PLOD3: variants seen among roughly 807,000 people sequenced by gnomAD.
PLOD3 encodes multifunctional procollagen lysine hydroxylase and glycosyltransferase LH3.
Under a neutral mutation model 96.9 loss-of-function variants are expected in PLOD3, and 73 were observed. The ratio of observed to expected loss-of-function variants is 0.75; its 90% CI spans 0.62 to 0.92. PLOD3 has a LOEUF of 0.92. PLOD3 is among the 40% of genes least tolerant of loss of function. PLOD3 has a pLI of 0.00. For synonymous variants in PLOD3, 454 were observed against 413.7 expected (o/e 1.10, Z -1.18); for missense variants, 1,004 against 1,004.3 (o/e 1.00, Z 0.00).
At chr7:101,212,059 T>A (rs1449385960) in intron 10 of PLOD3, 109 bp from the exon 11 acceptor site, 11 of 1,026,032 alleles carry the variant, frequency 1.1e-5, no homozygotes, top group Non-Finnish European at 1.6e-5. Flanking sequence ...CTATCCTTCC[T>A]TCCCCAGGCT....
At chr7:101,206,476 G>A (rs752237515) in intron 18 of PLOD3, 40 bp from the exon 19 acceptor site, 19 of 1,552,740 alleles carry the variant, frequency 1.2e-5, no homozygotes, top group East Asian at 2.4e-5. Flanking sequence ...GTGAGCAGAC[G>A]TGGGGCCTGG....
At chr7:101,213,068 G>A in intron 7 of PLOD3, 39 bp downstream of exon 7, 1 of 1,457,130 alleles carries the variant, frequency 6.9e-7, no homozygotes, top group Non-Finnish European at 9.6e-7. Flanking sequence ...CCTGGGGGTT[G>A]GGGCAGGGCG....
chr7:101,206,163 C>T lies in PLOD3; in HGVS notation c.*118G>A, dbSNP rs78594054. The T allele has an allele frequency of 9.0e-3, 9,708 of 1,073,864 alleles. 172 individuals are homozygous for T. The highest frequency in any genetic ancestry group is 0.066 in the East Asian group (2,802 of 42,492). 66.5% of individuals were successfully genotyped at this position (1,073,864 alleles called of 1,614,324 possible). A position where few individuals can be genotyped will look rare whatever the true frequency, so the allele number is the denominator to read the frequency against. On this transcript the variant is annotated 3_prime_UTR_variant, in exon 19 of 19. Transcript: ENST00000223127. Reference sequence around the variant, plus strand: ...AGGTGACATATTCAGTTCAGGCACGCGGAACATGAACTCAGGAAGTGGGGA... The same window carrying T: ...AGGTGACATATTCAGTTCAGGCACGTGGAACATGAACTCAGGAAGTGGGGA...
At position 101,215,934 on chromosome 7, in the gene PLOD3, G is replaced by T; in HGVS notation, c.589C>A (p.Arg197=). Residue 197 remains arginine, a synonymous_variant, in exon 5 of 19, where the codon CGG becomes AGG. Coordinates refer to ENST00000223127, the MANE Select transcript of PLOD3 (RefSeq NM_001084.5). ...CTCAGTCCTGGGTCCAGGTAGAGCC[G>T]TGTGTAGAACAGCTGGTCGTCGTCA... The part of the protein sequence containing the change: ...DDDDDQLFYT[R]LYLDPGLREK... 1.2e-6 allele frequency: 2 copies of T among 1,613,210 alleles called. No individual in the cohort carries two copies. Among genetic ancestry groups the T allele is most frequent in the Non-Finnish European group, 1.7e-6 (2 of 1,179,188 alleles).
intron 2 of PLOD3, 46 bp downstream of exon 2, chr7:101,216,649 C>A (rs763799959): frequency 4.4e-6 from 7 of 1,605,534 alleles, no homozygotes; most frequent in African/African-American, 2.7e-5. Flanking sequence ...CTTCAGCCCA[C>A]CCCTCCTGCT....
rs1021001501 is a variant in PLOD3 at position 101,217,383 on chromosome 7, G to A, written c.-109C>T. 1.2e-5 allele frequency: 14 copies of A among 1,134,570 alleles called. No homozygotes were observed. Among genetic ancestry groups the A allele is most frequent in the Non-Finnish European group, 1.6e-5 (14 of 871,006 alleles). 70.3% of individuals were successfully genotyped at this position (1,134,570 alleles called of 1,614,324 possible). A position where few individuals can be genotyped will look rare whatever the true frequency, so the allele number is the denominator to read the frequency against. On this transcript the variant is annotated 5_prime_UTR_variant, in exon 1 of 19. Coordinates refer to ENST00000223127, the MANE Select transcript of PLOD3 (RefSeq NM_001084.5). ...AAAGGGGGCGCTCGGGCTGCTGTGC[G>A]GCCGCCGCGGGGAGCAGCTTGGCTG...
Position 101,212,273 on chromosome 7 carries a change from G to C in PLOD3, c.1107C>G (p.Gly369=), listed in dbSNP as rs193247871. Residue 369 remains glycine, a synonymous_variant, in exon 10 of 19, where the codon GGC becomes GGG. Transcript: ENST00000223127. The part of the protein sequence containing the change: ...LVGPEEALSP[G]EARDMAMDLC... ...CTCACATGGCCATGTCCCTGGCCTCGCCTGGGCTCAGAGCCTCCTCCGGCC... is the reference window on the plus strand; with the variant it reads ...CTCACATGGCCATGTCCCTGGCCTCCCCTGGGCTCAGAGCCTCCTCCGGCC... 1.2e-5 allele frequency: 19 copies of C among 1,613,172 alleles called. No homozygotes were observed. The highest frequency in any genetic ancestry group is 1.6e-5 in the Non-Finnish European group (19 of 1,179,982).
Position 101,211,699 on chromosome 7 carries a change from A to G in PLOD3, c.1250T>C (p.Met417Thr). Residue 417 changes from methionine (M) to threonine (T), a missense_variant, in exon 12 of 19, where the codon ATG (methionine) becomes ACG (threonine). Coordinates refer to ENST00000223127, the MANE Select transcript of PLOD3 (RefSeq NM_001084.5). ...CCACAGCTTGCCGTGGCGGGACAGCATGGGGGCGATCACCTTCCTGCGGAC... is the reference window on the plus strand; with the variant it reads ...CCACAGCTTGCCGTGGCGGGACAGCGTGGGGGCGATCACCTTCCTGCGGAC... ...IEENRKVIAP[M>T]LSRHGKLWSN... 1.2e-6 allele frequency: 2 copies of G among 1,605,892 alleles called. No homozygotes were observed. Among genetic ancestry groups the G allele is most frequent in the African/African-American group, 1.3e-5 (1 of 74,962 alleles).
At chr7:101,209,481 G>A (rs528940220) in intron 15 of PLOD3, among the ~76,000 whole-genome samples, 1 of 151,076 alleles carries the variant, frequency 6.6e-6, no homozygotes, top group Admixed American at 6.6e-5. Context: ...AGGTTCAAGC[G>A]ATTCTCCCAC....
In PLOD3 at chr7:101,207,695, A is replaced by C. The variant is rs756081191; in HGVS notation, c.1818T>G (p.Asn606Lys). ...TCATGTGGATGTCCACGGTGGGCAC[A>C]TTCTCGTAGCCTCCAGCCAGCCTTG... ...EDSRLAGGYENVPTVDIHMKQ... is the reference protein window; with the variant it reads ...EDSRLAGGYEKVPTVDIHMKQ... The change falls in exon 17 of 19, where the codon AAT becomes AAG. Residue 606 changes from asparagine to lysine, a missense_variant. Coordinates refer to ENST00000223127, the MANE Select transcript of PLOD3 (RefSeq NM_001084.5). The C allele has an allele frequency of 6.2e-7, 1 of 1,613,860 alleles. No homozygotes were observed. The highest frequency in any genetic ancestry group is 1.3e-5 in the African/African-American group (1 of 74,878).
At position 101,208,852 on chromosome 7, in the gene PLOD3, C is replaced by A; in HGVS notation, c.1788+1G>T. 6.2e-7 allele frequency: 1 copy of A among 1,604,546 alleles called. No homozygotes were observed. Among genetic ancestry groups the A allele is most frequent in the Non-Finnish European group, 8.5e-7 (1 of 1,171,354 alleles). ...TCTGCCCTCCTCGCCCAGGCCCTTACCTCATGCCGGCCGCCTGACCACTGG... is the reference window on the plus strand; with the variant it reads ...TCTGCCCTCCTCGCCCAGGCCCTTAACTCATGCCGGCCGCCTGACCACTGG... On this transcript the variant is annotated splice_donor_variant, in intron 16 of 18. Coordinates refer to ENST00000223127, the MANE Select transcript of PLOD3 (RefSeq NM_001084.5). LOFTEE classifies it high-confidence loss of function.
At position 101,215,141 on chromosome 7, in the gene PLOD3, G is replaced by T; in HGVS notation, c.627C>A (p.Ser209Arg). 6.2e-7 allele frequency: 1 copy of T among 1,611,334 alleles called. No individual in the cohort carries two copies. The highest frequency in any genetic ancestry group is 8.5e-7 in the Non-Finnish European group (1 of 1,177,378). Residue 209 changes from serine (S) to arginine (R), a missense_variant, in exon 6 of 19, where the codon AGC becomes AGA. By Grantham distance (110) the Ser-to-Arg change is moderately radical. Around this residue, in one of 5 missense-constraint regions of PLOD3, gnomAD observed 690 missense variants for 650.2 expected, o/e 1.06. Coordinates refer to ENST00000223127, the MANE Select transcript of PLOD3 (RefSeq NM_001084.5). ...TCCGAGACTTATGATCCAGATTAAG[G>T]CTGAGTTTCTCCTAAATGGAATGAG... ...YLDPGLREKL[S>R]LNLDHKSRIF...
In PLOD3 at chr7:101,211,838, T is replaced by A. The variant is rs773544644; in HGVS notation, c.1232+8A>T. On this transcript the variant is annotated splice_region_variant and intron_variant, in intron 11 of 18. Coordinates refer to ENST00000223127, the MANE Select transcript of PLOD3 (RefSeq NM_001084.5). ...GCCCTCCGGCTGCGGGGAGAGGGGG[T>A]AAGCCACCTGTTCTCCTCAATGAGG... 6.2e-7 allele frequency: 1 copy of A among 1,606,038 alleles called. No homozygotes were observed. Among genetic ancestry groups the A allele is most frequent in the African/African-American group, 1.3e-5 (1 of 74,172 alleles).
intron 10 of PLOD3, 126 bp from the exon 11 acceptor site, chr7:101,212,076 T>A: frequency 9.6e-7 from 1 of 1,042,570 alleles, no homozygotes; most frequent in Non-Finnish European, 1.4e-6. Context: ...GGCTCTCTGC[T>A]GTCTGGGTGA....
At chr7:101,216,386 G>A (rs771583693) in intron 3 of PLOD3, 24 bp downstream of exon 3, 22 of 1,613,674 alleles carry the variant, frequency 1.4e-5, no homozygotes, top group Middle Eastern at 1.6e-4. Flanking sequence ...TCCTTACCCC[G>A]CTCCCTATCC....
chr7:101,210,280 T>G (rs763622458), intron 14 of PLOD3, 51 bp downstream of exon 14: 11 of 1,545,304 alleles, frequency 7.1e-6, no homozygotes, highest in Middle Eastern at 1.7e-4. Flanking sequence ...GGTGTCTTCC[T>G]TAGCACAAGG....
chr7:101,212,076 T>C (rs1447889761), intron 10 of PLOD3, 126 bp from the exon 11 acceptor site: 6 of 1,042,570 alleles, frequency 5.8e-6, no homozygotes, highest in Non-Finnish European at 8.6e-6. Context: ...GGCTCTCTGC[T>C]GTCTGGGTGA....
At position 101,210,248 on chromosome 7, in the gene PLOD3, G is replaced by A. The variant is rs181184529; in HGVS notation, c.1614+83C>T. 1,538 of 1,480,196 alleles carry A rather than the reference G, an allele frequency of 1.0e-3. 11 individuals are homozygous for A. The African/African-American group carries it at 0.017, about 16-fold the overall frequency. The allele number at this position is 1,480,196 out of a possible 1,614,324, so 91.7% of individuals were successfully genotyped here. Reference sequence around the variant, plus strand: ...CGCCCCCTCCCACTCAGTGTCCTGCGCTGGCAGCAGCCATCACGTTTGGTG... The same window carrying A: ...CGCCCCCTCCCACTCAGTGTCCTGCACTGGCAGCAGCCATCACGTTTGGTG... On this transcript the variant is annotated intron_variant, in intron 14 of 18. Transcript: ENST00000223127.
chr7:101,208,739 C>T, intron 16 of PLOD3, 114 bp downstream of exon 16: 1 of 733,124 alleles, frequency 1.4e-6, no homozygotes. Context: ...CCAGGGTCTG[C>T]CTCCCCCCTG....
Sources: gnomAD v4.1 joint callset for allele counts (sites outside exome capture counted in the v4.1 genomes callset) on GRCh38, gnomAD v4.1.1 for gene constraint, gnomAD v4.1.1 regional missense constraint, MANE v1.5 for transcripts, NCBI Gene and HGNC (gene_info 2026-07-23, HGNC 2026-07-21) for gene names.